The following ACACB variants were observed in gnomAD, a reference collection of about 807,000 sequenced individuals.
The protein encoded by ACACB is acetyl-CoA carboxylase 2.
ACACB carries 209 observed loss-of-function variants against 278.8 expected under a neutral mutation model. That is an observed-to-expected ratio of 0.75 (90% CI 0.67 to 0.84). ACACB has a LOEUF of 0.84. ACACB is among the 40% of genes least tolerant of loss of function. The pLI, the probability that ACACB is intolerant of heterozygous loss-of-function variation, is 0.00. For missense variants in ACACB, 2,850 were observed against 3,269.0 expected (o/e 0.87, Z 3.13); for synonymous variants, 1,174 against 1,285.6 (o/e 0.91, Z 1.86).
intron 4 of ACACB, among the ~76,000 whole-genome samples, chr12:109,169,768 A>G (rs2044048294): frequency 6.6e-6 from 1 of 151,954 alleles, no homozygotes; most frequent in African/African-American, 2.4e-5. Context: ...TATTGTGTTT[A>G]TTTTCTTGTT....
At position 109,265,441 on chromosome 12, in the gene ACACB, G is replaced by A; in HGVS notation, c.7166G>A (p.Trp2389Ter). The A allele has an allele frequency of 1.9e-6, 3 of 1,613,288 alleles. No individual in the cohort carries two copies. Among genetic ancestry groups the A allele is most frequent in the Non-Finnish European group, 2.5e-6 (3 of 1,179,784 alleles). ...GTTGTGCAGTGGCTGGAACAGCACT[G>A]GCAGGCAGGGGATGGCCCGCGCTCC... ...QVVVQWLEQH[W>*]QAGDGPRSTI... Residue 2389 changes from tryptophan to a stop codon, truncating the protein, a stop_gained, in exon 52 of 53, where the codon TGG (tryptophan) becomes TAG (stop). Coordinates refer to ENST00000338432, the MANE Select transcript of ACACB (RefSeq NM_001093.4). LOFTEE classifies it high-confidence loss of function.
chr12:109,135,506 G>A (rs1165362459), intron 1 of ACACB, among the ~76,000 whole-genome samples: 2 of 151,728 alleles, frequency 1.3e-5, no homozygotes, highest in African/African-American at 2.4e-5. Flanking sequence ...TATGATTCAC[G>A]AAAGCTTTTA....
At chr12:109,129,898 CA>C (rs145448256) in intron 1 of ACACB, among the ~76,000 whole-genome samples, 7,337 of 152,302 alleles carry the variant, frequency 0.048, 344 homozygotes, top group East Asian at 0.25. Context: ...CAGAAGCCGC[CA>C]TCACTATCAC....
At chr12:109,195,394 G>A (rs1017936075) in intron 16 of ACACB, among the ~76,000 whole-genome samples, 1 of 152,234 alleles carries the variant, frequency 6.6e-6, no homozygotes, top group African/African-American at 2.4e-5. Flanking sequence ...CTAAACCTGT[G>A]TGTCATTGAT....
intron 21 of ACACB, among the ~76,000 whole-genome samples, chr12:109,211,102 C>T (rs549631498): frequency 5.3e-5 from 8 of 152,202 alleles, no homozygotes; most frequent in African/African-American, 1.4e-4. Context: ...TGCCTGTTTG[C>T]CTTCCTGCCC....
rs569721381 is a variant in ACACB, at chr12:109,142,401, T to C, written c.653+2343T>C. Among the ~76,000 whole-genome samples the C allele has an allele frequency of 2.8e-4, 42 of 152,220 alleles. 1 individual carries two copies. Among genetic ancestry groups the C allele is most frequent in the African/African-American group, 1.0e-3 (42 of 41,528 alleles). ...ACTTGGCAAGAGAATAAAGCATCCA[T>C]ATTTGGTAGATAATAAATAGAAAGG... On this transcript the variant is annotated intron_variant, in intron 2 of 52. Coordinates refer to ENST00000338432, the MANE Select transcript of ACACB (RefSeq NM_001093.4).
At chr12:109,187,386 C>T (rs561530403) in intron 12 of ACACB, among the ~76,000 whole-genome samples, 3 of 152,170 alleles carry the variant, frequency 2.0e-5, no homozygotes, top group East Asian at 3.9e-4. Flanking sequence ...CATCAATGTT[C>T]GCCCATTTAA....
chr12:109,264,633 A>T (rs144109928), intron 50 of ACACB, among the ~76,000 whole-genome samples: 139 of 152,272 alleles, frequency 9.1e-4, no homozygotes, highest in African/African-American at 2.9e-3. Flanking sequence ...AAGAGATTCT[A>T]ATAAGCAGCA....
intron 28 of ACACB, among the ~76,000 whole-genome samples, chr12:109,230,234 C>A (rs11833565): frequency 6.6e-6 from 1 of 152,130 alleles, no homozygotes; most frequent in African/African-American, 2.4e-5. Flanking sequence ...GGCTTCCCCA[C>A]GAGGCACTGC....
At chr12:109,221,238 T>G (rs1404832859) in intron 24 of ACACB, among the ~76,000 whole-genome samples, 1 of 152,192 alleles carries the variant, frequency 6.6e-6, no homozygotes, top group African/African-American at 2.4e-5. Context: ...CGGTTCATTA[T>G]AATAGGAAAA....
rs752567299 is a variant in ACACB, at chr12:109,176,236, G to A, written c.1410G>A (p.Ala470=). 27 of 1,614,042 alleles carry A rather than the reference G, an allele frequency of 1.7e-5. No homozygotes were observed. The Admixed American group carries it at 2.2e-4, about 13-fold the overall frequency. ...GGKGIRKAES[A]EDFPILFRQV... is the part of the protein sequence containing the mutation. ...AGGGAATCCGGAAGGCTGAGAGTGC[G>A]GAGGACTTCCCGATCCTTTTCAGAC... is the stretch of plus-strand genomic sequence containing the variant. Residue 470 remains alanine, a synonymous_variant, in exon 9 of 53, where the codon GCG becomes GCA. Transcript: ENST00000338432.
chr12:109,126,721 A>G (rs1438426131), intron 1 of ACACB, among the ~76,000 whole-genome samples: 1 of 152,028 alleles, frequency 6.6e-6, no homozygotes, highest in Non-Finnish European at 1.5e-5. Context: ...AAAGAAAGAA[A>G]AAAGAAGTTT....
chr12:109,222,092 G>A (rs932576576), intron 24 of ACACB, among the ~76,000 whole-genome samples: 2 of 151,320 alleles, frequency 1.3e-5, no homozygotes, highest in East Asian at 1.9e-4. Flanking sequence ...AAGGTTTTGC[G>A]CTGTTGCCCA....
At chr12:109,122,349 G>A (rs1299903858) in intron 1 of ACACB, among the ~76,000 whole-genome samples, 1 of 152,190 alleles carries the variant, frequency 6.6e-6, no homozygotes, top group Non-Finnish European at 1.5e-5. Context: ...GGTGGTTCAT[G>A]CCTGTAATCC....
At chr12:109,221,895 G>GGC (rs749502407) in intron 24 of ACACB, among the ~76,000 whole-genome samples, 7,037 of 89,876 alleles carry the variant, frequency 0.078, 221 homozygotes, top group Non-Finnish European at 0.1. Context: ...TTTTTTTTTT[G>GGC]GGGGGGAGAC....
chr12:109,235,820 A>C (rs535326230), intron 33 of ACACB, 173 bp downstream of exon 33: 7 of 570,742 alleles, frequency 1.2e-5, no homozygotes, highest in African/African-American at 1.1e-4. Context: ...TTATATAGTG[A>C]GACCCTGTCT....
intron 2 of ACACB, among the ~76,000 whole-genome samples, chr12:109,166,394 T>G (rs535360027): frequency 6.6e-6 from 1 of 152,128 alleles, no homozygotes; most frequent in South Asian, 2.1e-4. Context: ...GCTGGCCTCT[T>G]AAGGTGCTTT....
intron 17 of ACACB, among the ~76,000 whole-genome samples, chr12:109,197,400 C>T (rs543482835): frequency 1.3e-5 from 2 of 152,210 alleles, no homozygotes; most frequent in South Asian, 4.2e-4. Context: ...CAGAGCTGAA[C>T]GGGACATGAC....
chr12:109,179,630 G>A (rs1357767140), intron 10 of ACACB, among the ~76,000 whole-genome samples: 1 of 152,136 alleles, frequency 6.6e-6, no homozygotes, highest in Non-Finnish European at 1.5e-5. Context: ...GGGACTACAG[G>A]AACCTGTCAC....
Sources: gnomAD v4.1 joint callset for allele counts (sites outside exome capture counted in the v4.1 genomes callset) on GRCh38, gnomAD v4.1.1 for gene constraint, MANE v1.5 for transcripts, NCBI Gene and HGNC (gene_info 2026-07-23, HGNC 2026-07-21) for gene names.